Variants in EPRS1 observed in about 807,000 individuals in gnomAD.
The protein encoded by EPRS1 is bifunctional glutamate/proline--tRNA ligase.
EPRS1 carries 107 observed loss-of-function variants against 188.3 expected under a neutral mutation model. That is an observed-to-expected ratio of 0.57 (90% confidence interval 0.49 to 0.67). The LOEUF (loss-of-function observed/expected upper bound fraction) is 0.67. Among genes scored for constraint, EPRS1 ranks in the 30% least tolerant of loss-of-function variants. The pLI, the probability that EPRS1 is intolerant of heterozygous loss-of-function variation, is 0.00. For missense variants in EPRS1, 1,577 were observed against 1,802.2 expected, an observed-to-expected ratio of 0.88 and a Z score of 2.26; for synonymous variants, 596 against 593.1, an observed-to-expected ratio of 1.00 and a Z score of -0.07.
intron 18 of EPRS1, among the ~76,000 whole-genome samples, chr1:219,993,785 T>C (rs1260408673): frequency 6.6e-6 from 1 of 152,180 alleles, no homozygotes; most frequent in Non-Finnish European, 1.5e-5. Context: ...GTAAATAACA[T>C]GGGAATCGGT....
Position 219,988,606 on chromosome 1 carries a change from G to A in EPRS1, c.2759C>T (p.Thr920Ile). 6.2e-7 allele frequency: 1 copy of A among 1,611,866 alleles called. No individual in the cohort carries two copies. The highest frequency in any genetic ancestry group is 8.5e-7 in the Non-Finnish European group (1 of 1,178,172). ...SQGEVVRKLK[T>I]EKAPKDQVDI... ...CACACTAACCTTAGGGGCTTTTTCA[G>A]TTTTAAGTTTCCGAACTACTTCCCC... The change falls in exon 19 of 32, where the codon ACT (threonine) becomes ATT (isoleucine). Residue 920 changes from threonine to isoleucine, a missense_variant. This residue lies in a region of EPRS1 where 1,278 missense variants were observed against 1,457.4 expected (regional missense o/e 0.88). Transcript: ENST00000366923.
chr1:219,996,821 C>T (rs1252603896), intron 18 of EPRS1, among the ~76,000 whole-genome samples, 162 bp downstream of exon 18: 1 of 152,106 alleles, frequency 6.6e-6, no homozygotes, highest in Non-Finnish European at 1.5e-5. Flanking sequence ...TTATGAGCTT[C>T]TTATATATAT....
rs769833438 is a variant in EPRS1 at position 220,024,234 on chromosome 1, T to C, written c.943+30A>G. 27 of 1,387,896 alleles carry C rather than the reference T, an allele frequency of 1.9e-5. No individual in the cohort carries two copies. In the South Asian group the frequency reaches 2.6e-4, roughly 13 times the overall value. The allele number at this position is 1,387,896 out of a possible 1,614,324, so 86.0% of individuals were successfully genotyped here. On this transcript the variant is annotated intron_variant, in intron 8 of 31. Coordinates refer to ENST00000366923, the MANE Select transcript of EPRS1 (RefSeq NM_004446.3). ...ACTAAAGAAGCACAATATAAGAATA[T>C]CAATTAAAATATAAAACAATGTGGC...
intron 17 of EPRS1, among the ~76,000 whole-genome samples, chr1:219,998,030 A>T (rs1571671155): frequency 6.6e-6 from 1 of 152,306 alleles, no homozygotes; most frequent in Non-Finnish European, 1.5e-5. Context: ...GTGAATAAAG[A>T]TACTATTTTT....
chr1:220,013,066 T>G (rs988098277), intron 12 of EPRS1, among the ~76,000 whole-genome samples: 1 of 152,168 alleles, frequency 6.6e-6, no homozygotes, highest in African/African-American at 2.4e-5. Context: ...ATTTTAAAAC[T>G]AAAGCAGTCA....
Position 219,988,740 on chromosome 1 carries a change from A to C in EPRS1, c.2625T>G (p.Gly875=). Residue 875 remains glycine (G), a synonymous_variant, in exon 19 of 32, where the codon GGT becomes GGG. Transcript: ENST00000366923. ...CCGAACTTTGAGATAATGGGGGCTG[A>C]CCAGGTATGTACTCCTTCCCAGTTT... ...KEKTGKEYIP[G]QPPLSQSSDS... The C allele has an allele frequency of 6.2e-7, 1 of 1,613,946 alleles. No individual in the cohort carries two copies. The highest frequency in any genetic ancestry group is 8.5e-7 in the Non-Finnish European group (1 of 1,179,854).
At chr1:219,978,853 T>C (rs1660830338) in intron 27 of EPRS1, 134 bp from the exon 28 acceptor site, 1 of 593,744 alleles carries the variant, frequency 1.7e-6, no homozygotes, top group Non-Finnish European at 2.9e-6. Context: ...TTATATATAA[T>C]GTCTACTAAT....
intron 8 of EPRS1, among the ~76,000 whole-genome samples, chr1:220,023,982 T>C (rs2577158): frequency 0.8 from 121,946 of 152,056 alleles, 49,070 homozygotes; most frequent in East Asian, 0.93. Context: ...TGAAACCCCG[T>C]CTCTACTAAA....
At chr1:220,021,437 G>A (rs1661876503) in intron 9 of EPRS1, among the ~76,000 whole-genome samples, 1 of 151,880 alleles carries the variant, frequency 6.6e-6, no homozygotes, top group East Asian at 1.9e-4. Flanking sequence ...AGCCTCAAGA[G>A]AGCTTCCTGC....
intron 18 of EPRS1, among the ~76,000 whole-genome samples, chr1:219,995,254 T>G (rs942801272): frequency 1.3e-5 from 2 of 152,216 alleles, no homozygotes; most frequent in Non-Finnish European, 2.9e-5. Flanking sequence ...GAAAGCATGA[T>G]GTAACCCATT....
intron 6 of EPRS1, among the ~76,000 whole-genome samples, chr1:220,027,110 T>G (rs572593251): frequency 2.5e-4 from 38 of 150,464 alleles, no homozygotes; most frequent in Middle Eastern, 3.4e-3. Context: ...GCCAACATGG[T>G]GAAACCCCGT....
At chr1:219,996,642 A>T (rs987837950) in intron 18 of EPRS1, among the ~76,000 whole-genome samples, 1 of 152,200 alleles carries the variant, frequency 6.6e-6, no homozygotes. Context: ...CTTCTACTTC[A>T]GGATGATTTT....
intron 15 of EPRS1, 59 bp from the exon 16 acceptor site, chr1:220,005,419 C>A: frequency 1.1e-6 from 1 of 870,664 alleles, no homozygotes; most frequent in South Asian, 1.6e-5. Context: ...TAAAATAACT[C>A]TAAAATGCAA....
At chr1:219,993,570 T>C (rs962778292) in intron 18 of EPRS1, among the ~76,000 whole-genome samples, 1 of 152,246 alleles carries the variant, frequency 6.6e-6, no homozygotes, top group African/African-American at 2.4e-5. Flanking sequence ...TTGAAGCTGG[T>C]AACCTAAAAC....
At chr1:219,997,932 C>T (rs1160693913) in intron 17 of EPRS1, among the ~76,000 whole-genome samples, 2 of 152,074 alleles carry the variant, frequency 1.3e-5, no homozygotes, top group Non-Finnish European at 1.5e-5. Flanking sequence ...TGTTGTGGAA[C>T]AGTTTCATTT....
chr1:219,982,877 T>A lies in EPRS1; in HGVS notation c.3301-33A>T, dbSNP rs923645464. On this transcript the variant is annotated intron_variant, in intron 22 of 31. Transcript: ENST00000366923. Reference sequence around the variant, plus strand: ...GAAAAAATCATTTTTCATACTTTTTTTTCAATAGCATTTTGGAGCAACAGT... The same window carrying A: ...GAAAAAATCATTTTTCATACTTTTTATTCAATAGCATTTTGGAGCAACAGT... 8.2e-6 allele frequency: 13 copies of A among 1,587,416 alleles called. No homozygotes were observed. The African/African-American group carries it at 1.3e-4, about 16-fold the overall frequency.
chr1:220,001,302 T>A (rs1163932364), intron 16 of EPRS1, 47 bp from the exon 17 acceptor site: 4 of 1,072,392 alleles, frequency 3.7e-6, no homozygotes, highest in Non-Finnish European at 5.8e-6. Context: ...AACAAAATTA[T>A]CTGAACAGCA....
chr1:219,978,962 ATAT>A (rs1357195219), intron 27 of EPRS1, among the ~76,000 whole-genome samples: 26 of 42,382 alleles, frequency 6.1e-4, no homozygotes, highest in African/African-American at 1.1e-3. Context: ...ATATATATAT[ATAT>A]TTTTTTTTCC....
chr1:219,974,648 G>A (rs918651795), intron 28 of EPRS1, among the ~76,000 whole-genome samples: 1 of 151,786 alleles, frequency 6.6e-6, no homozygotes, highest in East Asian at 1.9e-4. Flanking sequence ...TTTACCCCTA[G>A]GGAAGACTTA....
Sources: allele counts gnomAD v4.1 joint callset (sites outside exome capture counted in the v4.1 genomes callset), GRCh38; gene constraint gnomAD v4.1.1; regional missense constraint gnomAD v4.1.1; transcripts MANE v1.5; gene names NCBI Gene and HGNC (gene_info 2026-07-23, HGNC 2026-07-21).